COX15: variants seen among roughly 807,000 people sequenced by gnomAD.
COX15 encodes cytochrome c oxidase assembly factor COX15.
COX15 carries 51 observed loss-of-function variants against 51.9 expected under a neutral mutation model. The ratio of observed to expected loss-of-function variants is 0.98; its 90% CI spans 0.78 to 1.24. COX15 has a LOEUF of 1.24. Ranked by LOEUF, COX15 falls within the 50% of genes most tolerant of loss-of-function variation. The pLI, the probability that COX15 is intolerant of heterozygous loss-of-function variation, is 0.00. For missense variants in COX15, 420 were observed against 501.1 expected, an observed-to-expected ratio of 0.84 and a Z score of 1.55; for synonymous variants, 188 against 190.5, an observed-to-expected ratio of 0.99 and a Z score of 0.11.
chr10:99,710,298 T>C (rs547442300), downstream of COX15: 30 of 985,330 alleles, frequency 3.0e-5, no homozygotes, highest in Non-Finnish European at 3.6e-5. Context: ...TGGTTTCTAG[T>C]GTTTCAGTTA....
In COX15 at chr10:99,727,590, T is replaced by C. The variant is rs1163666997; in HGVS notation, c.273-27A>G. 2.5e-6 allele frequency: 4 copies of C among 1,611,462 alleles called. No individual in the cohort carries two copies. In the African/African-American group the frequency reaches 5.3e-5, roughly 22 times the overall value. On this transcript the variant is annotated intron_variant, in intron 2 of 8. Transcript: ENST00000016171. ...TTAGGATAGGAAAGAAATTTTGGGG[T>C]GTATGCGTGAGGCTGGATTACTCAC... is the stretch of plus-strand genomic sequence containing the variant.
At position 99,711,599 on chromosome 10, in the gene COX15, G is replaced by A. The variant is rs1322385144; in HGVS notation, c.*2988C>T. Reference sequence around the variant, plus strand: ...GGTCCCTAGACTTGTCTGCACATTGGAATCACCTGGGGAACTTTAAAAATA... The same window carrying A: ...GGTCCCTAGACTTGTCTGCACATTGAAATCACCTGGGGAACTTTAAAAATA... On this transcript the variant is annotated 3_prime_UTR_variant, in exon 9 of 9. Coordinates refer to ENST00000016171, the MANE Select transcript of COX15 (RefSeq NM_078470.6). 1.0e-6 allele frequency: 1 copy of A among 984,926 alleles called. No homozygotes were observed. Among genetic ancestry groups the A allele is most frequent in the African/African-American group, 1.7e-5 (1 of 57,240 alleles). The allele number at this position is 984,926 out of a possible 1,614,324, so 61.0% of individuals were successfully genotyped here.
chr10:99,715,860 T>C (rs1176083135), intron 8 of COX15, among the ~76,000 whole-genome samples: 1 of 152,222 alleles, frequency 6.6e-6, no homozygotes, highest in African/African-American at 2.4e-5. Flanking sequence ...GCTTTTCATG[T>C]TTACTGGCCA....
downstream of COX15, chr10:99,710,389 T>A: frequency 1.0e-6 from 1 of 985,460 alleles, no homozygotes; most frequent in Non-Finnish European, 1.2e-6. Flanking sequence ...TCCCCCTTTA[T>A]TTCTACCTTG....
At chr10:99,710,052 A>G (rs1323174154), downstream of COX15, 8 of 985,302 alleles carry the variant, frequency 8.1e-6, no homozygotes, top group Non-Finnish European at 7.2e-6. Flanking sequence ...CCACACATGC[A>G]TGACTTCAGG....
downstream of COX15, chr10:99,709,571 C>A (rs2036320142): frequency 2.0e-6 from 2 of 983,028 alleles, no homozygotes; most frequent in South Asian, 9.4e-5. Context: ...AGAATAGCAA[C>A]AGTGAATATA....
At chr10:99,702,409 T>G in the COX15 span, 1 of 958,398 alleles carries the variant, frequency 1.0e-6, no homozygotes, top group South Asian at 2.0e-5. Flanking sequence ...CGGGAGGAGG[T>G]AGGTCTTTTA....
In COX15 at chr10:99,712,519, G is replaced by A; in HGVS notation, c.*2068C>T. On this transcript the variant is annotated 3_prime_UTR_variant, in exon 9 of 9. Coordinates refer to ENST00000016171, the MANE Select transcript of COX15 (RefSeq NM_078470.6). ...CAGCATCTCTTTTTGCTTTGTAAAT[G>A]AGGTCAAGGATGAAATCCAGATGTT... 1.0e-6 allele frequency: 1 copy of A among 985,416 alleles called. No individual in the cohort carries two copies. Among genetic ancestry groups the A allele is most frequent in the Non-Finnish European group, 1.2e-6 (1 of 829,914 alleles). 61.0% of individuals were successfully genotyped at this position (985,416 alleles called of 1,614,324 possible).
the COX15 span, chr10:99,695,844 G>C: frequency 1.0e-6 from 1 of 961,370 alleles, no homozygotes; most frequent in African/African-American, 1.7e-5. Flanking sequence ...GAATGCTTAA[G>C]ATGTTTTAAA....
intron 5 of COX15, among the ~76,000 whole-genome samples, chr10:99,722,317 G>C (rs2036801263): frequency 6.6e-6 from 1 of 152,130 alleles, no homozygotes; most frequent in Non-Finnish European, 1.5e-5. Flanking sequence ...AAAGTCATCA[G>C]TAACCTTTAA....
At position 99,723,956 on chromosome 10, in the gene COX15, C is replaced by G; in HGVS notation, c.750G>C (p.Lys250Asn). 6.2e-7 allele frequency: 1 copy of G among 1,613,686 alleles called. No homozygotes were observed. Among genetic ancestry groups the G allele is most frequent in the Non-Finnish European group, 8.5e-7 (1 of 1,179,980 alleles). Residue 250 changes from lysine to asparagine, a missense_variant and splice_region_variant, in exon 5 of 9, where the codon AAG becomes AAC. Lys to Asn is a moderately conservative substitution (Grantham distance 94). Transcript: ENST00000016171. ...ACAGATATTTGCACACAACTCTTAC[C>G]TTGTGCGGAGGGAGTAGCAGTGACA... The part of the protein sequence containing the change: ...TSLSLLLPPH[K>N]LPETHQLLQL...
At chr10:99,705,734 G>C in the COX15 span, 5 of 152,164 alleles carry the variant, frequency 3.3e-5, no homozygotes, top group Non-Finnish European at 5.9e-5. Context: ...TATGACTCTT[G>C]GAATGTCTGA....
Position 99,711,041 on chromosome 10 carries a change from C to T in COX15, c.*3546G>A, listed in dbSNP as rs2036366530. The stretch of plus-strand genomic sequence containing the variant: ...AATCTGTAATTATCCATTTTCCATT[C>T]ATGCATTCACTAATTCAATATTTGA... On this transcript the variant is annotated 3_prime_UTR_variant, in exon 9 of 9. Transcript: ENST00000016171. The T allele has an allele frequency of 1.0e-6, 1 of 985,074 alleles. No homozygotes were observed. The highest frequency in any genetic ancestry group is 1.7e-5 in the African/African-American group (1 of 57,190). 61.0% of individuals were successfully genotyped at this position (985,074 alleles called of 1,614,324 possible).
At chr10:99,698,452 T>C in the COX15 span, 1 of 1,344,676 alleles carries the variant, frequency 7.4e-7, no homozygotes, top group South Asian at 1.4e-5. Flanking sequence ...AAGATATTTC[T>C]GATGCACATT....
At chr10:99,701,090 G>GTTC in the COX15 span, 5 of 1,549,722 alleles carry the variant, frequency 3.2e-6, no homozygotes, top group Non-Finnish European at 4.5e-6. Flanking sequence ...CTTAGATGTG[G>GTTC]ACTTAAAATC....
chr10:99,705,631 TAAAGA>T, the COX15 span: 1 of 152,198 alleles, frequency 6.6e-6, no homozygotes, highest in African/African-American at 2.4e-5. Context: ...GGGTTGTTTT[TAAAGA>T]AAAGGGGAAC....
chr10:99,730,185 A>T (rs1056027943), intron 1 of COX15, among the ~76,000 whole-genome samples: 1 of 152,162 alleles, frequency 6.6e-6, no homozygotes, highest in Non-Finnish European at 1.5e-5. Context: ...AGCCCTTAAT[A>T]CACTGTAATG....
chr10:99,705,731 C>T, the COX15 span: 6 of 152,164 alleles, frequency 3.9e-5, no homozygotes, highest in African/African-American at 1.4e-4. Flanking sequence ...ATTTATGACT[C>T]TTGGAATGTC....
At chr10:99,706,437 A>G (rs1001288699), downstream of COX15, among the ~76,000 whole-genome samples, 12 of 151,876 alleles carry the variant, frequency 7.9e-5, no homozygotes, top group African/African-American at 2.9e-4. Context: ...CTGGGCTCAA[A>G]CAGTCCTCCC....
Sources: gnomAD v4.1 joint callset for allele counts (sites outside exome capture counted in the v4.1 genomes callset) on GRCh38, gnomAD v4.1.1 for gene constraint, MANE v1.5 for transcripts, NCBI Gene and HGNC (gene_info 2026-07-23, HGNC 2026-07-21) for gene names.